The following PCCA variants were observed in gnomAD, a reference collection of about 807,000 sequenced individuals.
PCCA encodes the protein propionyl-CoA carboxylase subunit alpha, also known as propionyl-CoA carboxylase alpha chain, mitochondrial.
A neutral mutation model predicts 101.3 loss-of-function variants in PCCA; 74 were observed. That is an observed-to-expected ratio of 0.73 (90% confidence interval 0.61 to 0.89). The LOEUF is 0.89. Among genes scored for constraint, PCCA ranks in the 40% least tolerant of loss-of-function variants. The pLI, the probability that PCCA is intolerant of heterozygous loss-of-function variation, is 0.00. For missense variants in PCCA, 891 were observed against 907.0 expected (o/e 0.98, Z 0.23); for synonymous variants, 294 against 313.6 (o/e 0.94, Z 0.66).
At chr13:100,176,261 G>A (rs545084332) in intron 6 of PCCA, among the ~76,000 whole-genome samples, 1 of 152,226 alleles carries the variant, frequency 6.6e-6, no homozygotes, top group South Asian at 2.1e-4. Context: ...GGAAAATCCA[G>A]AAATTTTCTT....
At chr13:100,411,699 ACTTCCTGGTTT>A (rs2078060872) in intron 19 of PCCA, among the ~76,000 whole-genome samples, 1 of 152,144 alleles carries the variant, frequency 6.6e-6, no homozygotes, top group Non-Finnish European at 1.5e-5. Context: ...GTAAGGACCC[ACTTCCTGGTTT>A]GCAGATGGCC....
intron 7 of PCCA, among the ~76,000 whole-genome samples, chr13:100,210,395 T>C (rs1254067507): frequency 2.0e-5 from 3 of 152,244 alleles, no homozygotes; most frequent in Non-Finnish European, 1.5e-5. Flanking sequence ...GATTAAAAAA[T>C]GTACTGTCAG....
chr13:100,286,747 CTT>C (rs547082648), intron 12 of PCCA, among the ~76,000 whole-genome samples: 25 of 137,680 alleles, frequency 1.8e-4, no homozygotes, highest in Admixed American at 4.4e-4. Flanking sequence ...GAGGAGAAAC[CTT>C]TTTTTTTTTT....
intron 7 of PCCA, among the ~76,000 whole-genome samples, chr13:100,221,143 T>C (rs1332731588): frequency 1.3e-5 from 2 of 152,244 alleles, no homozygotes; most frequent in Admixed American, 6.5e-5. Flanking sequence ...CTTTGACTTA[T>C]GGACTTAGAA....
At chr13:100,187,283 A>G (rs955479232) in intron 6 of PCCA, among the ~76,000 whole-genome samples, 1 of 152,246 alleles carries the variant, frequency 6.6e-6, no homozygotes, top group Non-Finnish European at 1.5e-5. Context: ...AAAGAGGATA[A>G]TCACTGTAAG....
chr13:100,098,564 C>T (rs1014775624), intron 1 of PCCA, among the ~76,000 whole-genome samples: 2 of 152,092 alleles, frequency 1.3e-5, no homozygotes, highest in African/African-American at 4.8e-5. Context: ...GGAACATGGT[C>T]GAGATGAGGG....
intron 16 of PCCA, among the ~76,000 whole-genome samples, chr13:100,326,762 ATG>A (rs2068736606): frequency 6.6e-6 from 1 of 151,954 alleles, no homozygotes; most frequent in African/African-American, 2.4e-5. Context: ...TGAATAGTAA[ATG>A]TATTTTCTCT....
At chr13:100,147,797 G>A (rs545194960) in intron 4 of PCCA, among the ~76,000 whole-genome samples, 6 of 151,976 alleles carry the variant, frequency 3.9e-5, no homozygotes, top group African/African-American at 1.2e-4. Context: ...TTTTTACTAC[G>A]TAGTGACATT....
intron 7 of PCCA, among the ~76,000 whole-genome samples, chr13:100,232,128 A>G (rs566363508): frequency 5.9e-4 from 90 of 152,228 alleles, no homozygotes; most frequent in African/African-American, 2.0e-3. Flanking sequence ...ACCAAATCCC[A>G]TAAGATCTGG....
At chr13:100,257,435 G>A (rs2062149626) in intron 8 of PCCA, among the ~76,000 whole-genome samples, 160 bp from the exon 9 acceptor site, 1 of 151,856 alleles carries the variant, frequency 6.6e-6, no homozygotes, top group Non-Finnish European at 1.5e-5. Context: ...TCATTACACT[G>A]GTGTTACTTT....
chr13:100,333,803 A>G (rs1315475539), intron 17 of PCCA, among the ~76,000 whole-genome samples: 2 of 152,168 alleles, frequency 1.3e-5, no homozygotes, highest in Non-Finnish European at 2.9e-5. Context: ...TCAACACAAA[A>G]AGTATATAAT....
chr13:100,228,847 C>G (rs148713180), intron 7 of PCCA, among the ~76,000 whole-genome samples: 3 of 143,354 alleles, frequency 2.1e-5, no homozygotes, highest in African/African-American at 5.3e-5. Flanking sequence ...TTGCAATGAG[C>G]GGGGATCGCT....
At chr13:100,134,223 T>A (rs1000349440) in intron 4 of PCCA, among the ~76,000 whole-genome samples, 4 of 152,044 alleles carry the variant, frequency 2.6e-5, no homozygotes, top group Non-Finnish European at 5.9e-5. Flanking sequence ...TCAAATGGGG[T>A]GATATTTGGA....
intron 20 of PCCA, among the ~76,000 whole-genome samples, chr13:100,441,905 T>A (rs1204907862): frequency 1.3e-5 from 2 of 152,164 alleles, no homozygotes; most frequent in African/African-American, 4.8e-5. Flanking sequence ...ATCTTACTGC[T>A]AGGGAAGATT....
At chr13:100,361,907 A>T (rs1189035404) in intron 18 of PCCA, among the ~76,000 whole-genome samples, 2 of 152,176 alleles carry the variant, frequency 1.3e-5, no homozygotes, top group Non-Finnish European at 2.9e-5. Flanking sequence ...AGAAATGAAG[A>T]CATACCTCTT....
intron 4 of PCCA, among the ~76,000 whole-genome samples, chr13:100,123,308 G>A (rs7322773): frequency 2.6e-5 from 4 of 152,128 alleles, no homozygotes; most frequent in African/African-American, 9.7e-5. Flanking sequence ...ACCCTCCTCG[G>A]CTTCCCAAAG....
At chr13:100,351,828 A>G (rs1255465785) in intron 18 of PCCA, among the ~76,000 whole-genome samples, 2 of 152,184 alleles carry the variant, frequency 1.3e-5, no homozygotes, top group African/African-American at 4.8e-5. Flanking sequence ...CTACCTAGTC[A>G]TCTTTTCAGC....
At chr13:100,106,942 C>A (rs1055423606) in intron 2 of PCCA, among the ~76,000 whole-genome samples, 1 of 152,120 alleles carries the variant, frequency 6.6e-6, no homozygotes, top group African/African-American at 2.4e-5. Context: ...GGTACATGTT[C>A]AGACTAAGTT....
intron 21 of PCCA, chr13:100,489,935 A>C (rs979051414): frequency 1.3e-5 from 2 of 152,238 alleles, no homozygotes; most frequent in African/African-American, 4.8e-5. Context: ...TCTGTGTTCT[A>C]GGAGCACGGG....
Sources: gnomAD v4.1 joint callset for allele counts (sites outside exome capture counted in the v4.1 genomes callset) on GRCh38, gnomAD v4.1.1 for gene constraint, MANE v1.5 for transcripts, NCBI Gene and HGNC (gene_info 2026-07-23, HGNC 2026-07-21) for gene names.